Variants in ADAP1 observed in about 807,000 individuals in gnomAD.
ADAP1 encodes the protein arf-GAP with dual PH domain-containing protein 1.
In ADAP1, 31 loss-of-function variants were observed where a neutral mutation model predicts 54.9. That is an observed-to-expected ratio of 0.56 (90% CI 0.42 to 0.76). The LOEUF (loss-of-function observed/expected upper bound fraction) is 0.76, where lower values mean the gene tolerates loss of function less well. Among genes scored for constraint, ADAP1 ranks in the 30% least tolerant of loss-of-function variants. ADAP1 has a pLI of 0.00. For missense variants in ADAP1, 535 were observed against 512.4 expected (o/e 1.04, Z -0.42); for synonymous variants, 313 against 202.6 (o/e 1.55, Z -4.63).
chr7:939,056 C>G (rs910485707), intron 1 of ADAP1, among the ~76,000 whole-genome samples: 1 of 152,164 alleles, frequency 6.6e-6, no homozygotes. Context: ...TCATGGAACC[C>G]GTAGCAGGAG....
chr7:902,607 G>C (rs546652173), intron 6 of ADAP1, among the ~76,000 whole-genome samples: 3 of 151,690 alleles, frequency 2.0e-5, no homozygotes, highest in East Asian at 3.9e-4. Context: ...GAAAGTAGAA[G>C]AAAAATGAAC....
rs371222652 is a variant in ADAP1 at position 900,086 on chromosome 7, C to A, written c.795+16G>T. 6.2e-7 allele frequency: 1 copy of A among 1,612,944 alleles called. No homozygotes were observed. Among genetic ancestry groups the A allele is most frequent in the South Asian group, 1.1e-5 (1 of 91,084 alleles). On this transcript the variant is annotated intron_variant, in intron 8 of 10. Transcript: ENST00000265846. ...GTACCCCAGGCCACCCCAGGCCGCA[C>A]GTGCGGCACACCCACCTTGGGCCCC...
intron 6 of ADAP1, among the ~76,000 whole-genome samples, chr7:902,910 T>C (rs977099938): frequency 1.3e-5 from 2 of 152,204 alleles, no homozygotes; most frequent in African/African-American, 4.8e-5. Flanking sequence ...ATTCTATATC[T>C]AGCCACAGTC....
chr7:901,542 G>A (rs1042217000), intron 6 of ADAP1: 8 of 159,254 alleles, frequency 5.0e-5, no homozygotes, highest in Non-Finnish European at 1.1e-4. Flanking sequence ...GCTGGCACCC[G>A]GCCCAGCACC....
intron 1 of ADAP1, among the ~76,000 whole-genome samples, chr7:953,361 C>T (rs1231254244): frequency 1.3e-5 from 2 of 152,216 alleles, no homozygotes; most frequent in African/African-American, 2.4e-5. Flanking sequence ...GCAGCCACCA[C>T]GACCTGGGGC....
intron 4 of ADAP1, among the ~76,000 whole-genome samples, chr7:909,923 CCCA>C (rs749304778): frequency 1.3e-5 from 2 of 152,208 alleles, no homozygotes; most frequent in Non-Finnish European, 2.9e-5. Flanking sequence ...CAGGTCTTGT[CCCA>C]CCTGTGGGGA....
chr7:917,710 C>T (rs376870116), intron 4 of ADAP1, among the ~76,000 whole-genome samples: 9 of 152,128 alleles, frequency 5.9e-5, no homozygotes, highest in African/African-American at 1.2e-4. Flanking sequence ...GTGATCCATC[C>T]GCCCGCCTAG....
Position 904,204 on chromosome 7 carries a change from G to C in ADAP1, c.570C>G (p.Gly190=), listed in dbSNP as rs140582393. 1.4e-5 allele frequency: 23 copies of C among 1,611,386 alleles called. No homozygotes were observed. In the African/African-American group the frequency reaches 2.0e-4, roughly 14 times the overall value. The change falls in exon 6 of 11, where the codon GGC becomes GGG. Residue 190 remains glycine (G), a synonymous_variant. Transcript: ENST00000265846. ...LNATFQPAKI[G]HPHGLQVTYL... ...AGGTGACCTGCAGGCCGTGGGGGTG[G>C]CCGATCTTGGCCGGCTGGAAGGTGG...
intron 4 of ADAP1, among the ~76,000 whole-genome samples, chr7:908,273 C>T (rs1189531595): frequency 6.6e-6 from 1 of 152,222 alleles, no homozygotes; most frequent in Non-Finnish European, 1.5e-5. Flanking sequence ...CCCAGCATCC[C>T]CTCCCCAGCT....
At chr7:914,370 C>G (rs1033992519) in intron 4 of ADAP1, among the ~76,000 whole-genome samples, 2 of 152,234 alleles carry the variant, frequency 1.3e-5, no homozygotes, top group Non-Finnish European at 2.9e-5. Flanking sequence ...ATAAAGGGCT[C>G]TGGTGGCAAA....
intron 1 of ADAP1, among the ~76,000 whole-genome samples, chr7:951,181 T>A (rs545285611): frequency 1.3e-5 from 2 of 152,020 alleles, no homozygotes; most frequent in African/African-American, 4.8e-5. Context: ...GAGACCATCC[T>A]GGCTAACATG....
intron 2 of ADAP1, among the ~76,000 whole-genome samples, chr7:931,680 T>A (rs966196883): frequency 6.6e-6 from 1 of 151,730 alleles, no homozygotes; most frequent in African/African-American, 2.4e-5. Context: ...AACCTTCAAC[T>A]GTGCCCTTTA....
At chr7:955,045 G>A (rs1847353633), upstream of ADAP1, among the ~76,000 whole-genome samples, 2 of 152,176 alleles carry the variant, frequency 1.3e-5, no homozygotes, top group Admixed American at 6.5e-5. Flanking sequence ...CCTGTGCTAC[G>A]GACCAGGACC....
At chr7:934,265 C>T (rs1333627779) in intron 2 of ADAP1, among the ~76,000 whole-genome samples, 1 of 89,672 alleles carries the variant, frequency 1.1e-5, no homozygotes, top group Non-Finnish European at 2.3e-5. Flanking sequence ...GTCAGTGGTG[C>T]TGGAGAGCCG....
intron 2 of ADAP1, among the ~76,000 whole-genome samples, chr7:932,916 G>C (rs1846629533): frequency 6.6e-6 from 1 of 152,128 alleles, no homozygotes; most frequent in Admixed American, 6.5e-5. Flanking sequence ...GCTGTCCTTG[G>C]GTCTTTTTCT....
intron 8 of ADAP1, 152 bp from the exon 9 acceptor site, chr7:899,642 C>T: frequency 2.4e-6 from 2 of 818,820 alleles, no homozygotes; most frequent in Non-Finnish European, 1.9e-6. Flanking sequence ...CCCCACGAGG[C>T]CTCCGCACAC....
At chr7:940,368 AC>A (rs1846911381) in intron 1 of ADAP1, among the ~76,000 whole-genome samples, 6 of 141,246 alleles carry the variant, frequency 4.2e-5, no homozygotes, top group Admixed American at 7.0e-5. Flanking sequence ...ACACACACAC[AC>A]ACACAATATG....
At chr7:944,400 G>A (rs952311325) in intron 1 of ADAP1, among the ~76,000 whole-genome samples, 5 of 151,488 alleles carry the variant, frequency 3.3e-5, no homozygotes, top group Admixed American at 6.6e-5. Context: ...GATTACAGGC[G>A]CCCGCCACCA....
In ADAP1 at chr7:920,205, G is replaced by A. The variant is rs1228408329; in HGVS notation, c.306-155C>T. On this transcript the variant is annotated intron_variant, in intron 3 of 10. Coordinates refer to ENST00000265846, the MANE Select transcript of ADAP1 (RefSeq NM_006869.4). The surrounding 1 kb of genome is among the most constrained non-coding windows in gnomAD (Gnocchi z 4.5). ...CTGGGCACAAGATCCCGGAAGAAAT[G>A]CAGGGTCAGCCTCCTGCCCGGGACG... Among the ~76,000 whole-genome samples, 26 of 152,116 alleles carry A rather than the reference G, an allele frequency of 1.7e-4. No individual in the cohort carries two copies. The highest frequency in any genetic ancestry group is 1.6e-3 in the Admixed American group (25 of 15,286).
Sources: gnomAD v4.1 joint callset for allele counts (sites outside exome capture counted in the v4.1 genomes callset) on GRCh38, gnomAD v4.1.1 for gene constraint, Gnocchi (gnomAD v3.1) non-coding constraint, MANE v1.5 for transcripts, NCBI Gene and HGNC (gene_info 2026-07-23, HGNC 2026-07-21) for gene names.